Variants in KIF26B observed in about 807,000 individuals in gnomAD.
KIF26B encodes the protein kinesin family member 26B.
KIF26B carries 63 observed loss-of-function variants against 151.2 expected under a neutral mutation model. That is an observed-to-expected ratio of 0.42 (90% CI 0.34 to 0.51). KIF26B has a LOEUF of 0.51. Among genes scored for constraint, KIF26B ranks in the 20% least tolerant of loss-of-function variants. The pLI is 0.07. For synonymous variants in KIF26B, 1,357 were observed against 1,262.1 expected (o/e 1.08, Z -1.59); for missense variants, 2,813 against 2,913.6 (o/e 0.97, Z 0.79).
rs375763248 is a variant in KIF26B at position 245,366,851 on chromosome 1, T to C, written c.483T>C (p.Ala161=). The C allele has an allele frequency of 6.2e-7, 1 of 1,613,982 alleles. No homozygotes were observed. ...PFPGKDPAFS[A]VIHDKLQVPN... is the part of the protein sequence containing the mutation. ...TTCTGTAGGACCCTGCTTTCTCGGC[T>C]GTGATTCACGACAAACTCCAGGTCC... The change falls in exon 3 of 15, where the codon GCT becomes GCC. Residue 161 remains alanine (A), a synonymous_variant. Transcript: ENST00000407071.
intron 4 of KIF26B, among the ~76,000 whole-genome samples, chr1:245,520,591 T>C (rs12731312): frequency 2.8e-5 from 2 of 72,062 alleles, no homozygotes; most frequent in Non-Finnish European, 3.8e-5. Flanking sequence ...CATCCATCCA[T>C]CCATCCATCC....
intron 3 of KIF26B, among the ~76,000 whole-genome samples, chr1:245,385,824 A>G (rs183123121): frequency 1.3e-5 from 2 of 152,328 alleles, no homozygotes; most frequent in African/African-American, 4.8e-5. Flanking sequence ...CTTAGGAGGA[A>G]GACAGCAGCA....
In KIF26B at chr1:245,562,049, C is replaced by CATCTTCAGTGTGTGCAG. The variant is rs1184089749; in HGVS notation, c.1350+21103_1350+21119dup. The stretch of plus-strand genomic sequence containing the variant: ...TTTCATACCCAGATGACCTGGGGGG[C>CATCTTCAGTGTGTGCAG]ATCTTCAGTGTGTGCAGATCAGACT... On this transcript the variant is annotated intron_variant, in intron 5 of 14. Coordinates refer to ENST00000407071, the MANE Select transcript of KIF26B (RefSeq NM_018012.4). 2.6e-5 allele frequency among the ~76,000 whole-genome samples: 4 copies of CATCTTCAGTGTGTGCAG among 152,108 alleles called. No individual in the cohort carries two copies. In the East Asian group the frequency reaches 7.7e-4, roughly 29 times the overall value.
chr1:245,617,977 A>G (rs1217229758), intron 9 of KIF26B, among the ~76,000 whole-genome samples: 2 of 151,620 alleles, frequency 1.3e-5, no homozygotes, highest in East Asian at 1.9e-4. Flanking sequence ...CTCTTCTGGG[A>G]CCTCACCAAT....
At chr1:245,699,249 GCTCTTGCAA>G (rs1251730411) in intron 14 of KIF26B, among the ~76,000 whole-genome samples, 1 of 152,150 alleles carries the variant, frequency 6.6e-6, no homozygotes, top group Non-Finnish European at 1.5e-5. Context: ...GGTGAATATT[GCTCTTGCAA>G]GATTATTTCT....
chr1:245,612,076 G>A (rs1481125841), intron 9 of KIF26B, 100 bp downstream of exon 9: 1 of 641,212 alleles, frequency 1.6e-6, no homozygotes, highest in South Asian at 2.0e-5. Flanking sequence ...GTGTGTGTGT[G>A]TGTGTGTGTG....
chr1:245,468,095 A>T (rs1425515298), intron 4 of KIF26B, among the ~76,000 whole-genome samples: 1 of 152,128 alleles, frequency 6.6e-6, no homozygotes, highest in Non-Finnish European at 1.5e-5. Flanking sequence ...GGGAACACTA[A>T]CCCAGAATTC....
Position 245,705,814 on chromosome 1 carries a change from C to A in KIF26B, c.*3208C>A, listed in dbSNP as rs2044833671. 1 of 152,218 alleles carries A rather than the reference C, an allele frequency of 6.6e-6. No individual in the cohort carries two copies. The highest frequency in any genetic ancestry group is 2.4e-5 in the African/African-American group (1 of 41,456). The allele number at this position is 152,218 out of a possible 1,614,324, so 9.4% of individuals were successfully genotyped here. A position where few individuals can be genotyped will look rare whatever the true frequency, so the allele number is the denominator to read the frequency against. ...GAGAGTTTGCTTTATCATGGGCTTT[C>A]AGTTCCCACCTGCGAGCTGCAAACT... On this transcript the variant is annotated 3_prime_UTR_variant, in exon 15 of 15. Coordinates refer to ENST00000407071, the MANE Select transcript of KIF26B (RefSeq NM_018012.4).
At chr1:245,383,641 T>C (rs1389126054) in intron 3 of KIF26B, among the ~76,000 whole-genome samples, 2 of 152,338 alleles carry the variant, frequency 1.3e-5, no homozygotes, top group African/African-American at 4.8e-5. Context: ...TCATAGTTTA[T>C]GTAACTGGCA....
chr1:245,242,237 C>A (rs985212311), intron 2 of KIF26B, among the ~76,000 whole-genome samples: 2 of 152,196 alleles, frequency 1.3e-5, no homozygotes, highest in South Asian at 2.1e-4. Flanking sequence ...TGCCTTCCCC[C>A]CCCAAAATAG....
At chr1:245,678,504 C>T (rs1213266022) in intron 10 of KIF26B, among the ~76,000 whole-genome samples, 2 of 152,108 alleles carry the variant, frequency 1.3e-5, no homozygotes, top group Admixed American at 6.5e-5. Flanking sequence ...TTGGCTATCT[C>T]ATGCGTGTAA....
chr1:245,404,209 A>AT (rs11455837), intron 3 of KIF26B, among the ~76,000 whole-genome samples: 66,918 of 147,732 alleles, frequency 0.45, 15,265 homozygotes, highest in South Asian at 0.6. Flanking sequence ...AACAAGACTG[A>AT]TTTTTTTTTT....
chr1:245,447,856 G>T (rs1321929822), intron 4 of KIF26B, among the ~76,000 whole-genome samples: 1 of 152,190 alleles, frequency 6.6e-6, no homozygotes, highest in African/African-American at 2.4e-5. Flanking sequence ...AAACTGCCTT[G>T]AGCTGCCACT....
At chr1:245,340,010 C>G (rs1353223617) in intron 2 of KIF26B, among the ~76,000 whole-genome samples, 1 of 152,216 alleles carries the variant, frequency 6.6e-6, no homozygotes, top group Admixed American at 6.5e-5. Context: ...CATTTCCCCC[C>G]AATACTGGCT....
At chr1:245,638,138 T>C (rs991815766) in intron 9 of KIF26B, among the ~76,000 whole-genome samples, 1 of 151,986 alleles carries the variant, frequency 6.6e-6, no homozygotes, top group Non-Finnish European at 1.5e-5. Flanking sequence ...GAGCATGGGA[T>C]ATTTTTCCAT....
intron 4 of KIF26B, among the ~76,000 whole-genome samples, chr1:245,458,865 T>A (rs1659592107): frequency 6.6e-6 from 1 of 152,228 alleles, no homozygotes; most frequent in Admixed American, 6.5e-5. Flanking sequence ...AAATATGACG[T>A]GAGCCCAGTT....
chr1:245,471,118 T>A (rs796855693), intron 4 of KIF26B, among the ~76,000 whole-genome samples: 17 of 141,738 alleles, frequency 1.2e-4, no homozygotes, highest in African/African-American at 4.1e-4. Flanking sequence ...TGATAGTATG[T>A]GTGTGTGTGT....
chr1:245,447,198 T>TAAC (rs1364897717), intron 4 of KIF26B, among the ~76,000 whole-genome samples: 1 of 152,218 alleles, frequency 6.6e-6, no homozygotes, highest in African/African-American at 2.4e-5. Flanking sequence ...CCATCTGAAT[T>TAAC]AACATCTTCT....
intron 2 of KIF26B, among the ~76,000 whole-genome samples, chr1:245,268,239 C>T (rs1425852640): frequency 6.6e-6 from 1 of 151,798 alleles, no homozygotes; most frequent in Non-Finnish European, 1.5e-5. Context: ...GGAAGCCGGG[C>T]CAGGTGGATC....
Sources: allele counts gnomAD v4.1 joint callset (sites outside exome capture counted in the v4.1 genomes callset), GRCh38; gene constraint gnomAD v4.1.1; transcripts MANE v1.5; gene names NCBI Gene and HGNC (gene_info 2026-07-23, HGNC 2026-07-21).